Variants in RALGAPA2 observed in about 807,000 individuals in gnomAD.
The protein encoded by RALGAPA2 is ral GTPase-activating protein subunit alpha-2.
RALGAPA2 carries 139 observed loss-of-function variants against 230.4 expected under a neutral mutation model. That is an observed-to-expected ratio of 0.60 (90% CI 0.53 to 0.69). The LOEUF is 0.69. Among genes scored for constraint, RALGAPA2 ranks in the 30% least tolerant of loss-of-function variants. The pLI is 0.00. For synonymous variants in RALGAPA2, 847 were observed against 837.8 expected (o/e 1.01, Z -0.19); for missense variants, 2,163 against 2,276.0 (o/e 0.95, Z 1.01).
Position 20,601,712 on chromosome 20 carries a change from C to A in RALGAPA2, c.2173G>T (p.Ala725Ser). The change falls in exon 16 of 40, where the codon GCA becomes TCA. Residue 725 changes from alanine to serine, a missense_variant. Ala to Ser is a moderately conservative substitution (Grantham distance 99). Transcript: ENST00000202677. ...TTSGAPGVEK[A>S]RNIVRQKATE... The stretch of plus-strand genomic sequence containing the variant: ...GCTTTTTGGCGAACAATATTTCTTG[C>A]CTTTTCCACTCCCGGTGCTCCAGAC... 3 of 1,613,226 alleles carry A rather than the reference C, an allele frequency of 1.9e-6. No homozygotes were observed. Among genetic ancestry groups the A allele is most frequent in the Non-Finnish European group, 2.5e-6 (3 of 1,179,540 alleles).
chr20:20,562,907 T>C (rs1255918364), intron 23 of RALGAPA2, among the ~76,000 whole-genome samples: 3 of 152,236 alleles, frequency 2.0e-5, no homozygotes, highest in Non-Finnish European at 2.9e-5. Context: ...TTTATGGCGA[T>C]TGATAGCTGA....
At chr20:20,540,336 A>T (rs1381912085) in intron 24 of RALGAPA2, among the ~76,000 whole-genome samples, 1 of 152,238 alleles carries the variant, frequency 6.6e-6, no homozygotes, top group Non-Finnish European at 1.5e-5. Context: ...TGAAAACAGA[A>T]TTAAAAATCG....
chr20:20,548,099 CA>C (rs1218842526), intron 23 of RALGAPA2, among the ~76,000 whole-genome samples: 1 of 151,552 alleles, frequency 6.6e-6, no homozygotes, highest in African/African-American at 2.4e-5. Flanking sequence ...ATTATAGTCT[CA>C]ATATAAGAGT....
chr20:20,652,989 C>G (rs1189940223), intron 4 of RALGAPA2, among the ~76,000 whole-genome samples: 1 of 151,470 alleles, frequency 6.6e-6, no homozygotes, highest in Non-Finnish European at 1.5e-5. Context: ...GCCAGGAGTT[C>G]GAGACAGCCT....
At chr20:20,547,269 T>G (rs570686548) in intron 23 of RALGAPA2, among the ~76,000 whole-genome samples, 1 of 152,340 alleles carries the variant, frequency 6.6e-6, no homozygotes, top group Admixed American at 6.5e-5. Context: ...ACATGGAAAA[T>G]TTCACTCTTC....
At chr20:20,434,394 C>T (rs893453491) in intron 37 of RALGAPA2, among the ~76,000 whole-genome samples, 6 of 152,012 alleles carry the variant, frequency 3.9e-5, no homozygotes. Flanking sequence ...GTAAAAAGCA[C>T]CTTAAAAGCA....
intron 9 of RALGAPA2, among the ~76,000 whole-genome samples, chr20:20,633,433 C>T (rs1228007323): frequency 2.0e-5 from 3 of 152,136 alleles, no homozygotes; most frequent in Non-Finnish European, 4.4e-5. Flanking sequence ...CTGCGCCCAG[C>T]CTACTGGGTC....
chr20:20,586,379 A>G (rs894515579), intron 18 of RALGAPA2, among the ~76,000 whole-genome samples: 5 of 152,228 alleles, frequency 3.3e-5, no homozygotes, highest in African/African-American at 1.2e-4. Context: ...AAATGCAAAC[A>G]TACTGTTGAA....
intron 36 of RALGAPA2, among the ~76,000 whole-genome samples, chr20:20,491,425 G>C (rs1030891590): frequency 6.6e-6 from 1 of 152,092 alleles, no homozygotes; most frequent in Non-Finnish European, 1.5e-5. Flanking sequence ...CTGGTCAACT[G>C]GTCACCAGCC....
At chr20:20,468,387 T>C (rs1409818627) in intron 37 of RALGAPA2, among the ~76,000 whole-genome samples, 1 of 151,940 alleles carries the variant, frequency 6.6e-6, no homozygotes, top group Non-Finnish European at 1.5e-5. Context: ...ATGCAGCCCC[T>C]CTCCCCATGC....
At position 20,636,539 on chromosome 20, in the gene RALGAPA2, C is replaced by CAT. The variant is rs1491167913; in HGVS notation, c.805+823_805+824insAT. Among the ~76,000 whole-genome samples the CAT allele has an allele frequency of 8.0e-5, 12 of 149,982 alleles. No homozygotes were observed. In the East Asian group the frequency reaches 2.0e-3, roughly 25 times the overall value. ...CTCACCAAGTTTTGGCTTCTCTCCC[C>CAT]GTGTGTGTGTGTGTGTGTATGTGTG... On this transcript the variant is annotated intron_variant, in intron 8 of 39. Transcript: ENST00000202677.
At chr20:20,582,408 A>G (rs987822587) in intron 20 of RALGAPA2, among the ~76,000 whole-genome samples, 1 of 152,186 alleles carries the variant, frequency 6.6e-6, no homozygotes, top group African/African-American at 2.4e-5. Context: ...GCCGACCCAG[A>G]AAGTTTGGCT....
rs2059588344 is a variant in RALGAPA2 at position 20,390,675 on chromosome 20, AT to A, written c.*2613del. 1 of 147,300 alleles carries A rather than the reference AT, an allele frequency of 6.8e-6. No individual in the cohort carries two copies. Among genetic ancestry groups the A allele is most frequent in the Non-Finnish European group, 1.5e-5 (1 of 67,370 alleles). 9.1% of individuals were successfully genotyped at this position (147,300 alleles called of 1,614,324 possible). ...AAGGGATTTATTACAAAAACACAAT[AT>A]TTGCTTTTCTAAGTAAAAAAAAAAT... is the stretch of plus-strand genomic sequence containing the variant. On this transcript the variant is annotated 3_prime_UTR_variant, in exon 40 of 40. Transcript: ENST00000202677.
rs758651097 is a variant in RALGAPA2, at chr20:20,640,768, T to C, written c.483A>G (p.Ala161=). The part of the protein sequence containing the change: ...IFACLVPGFP[A]VMSSRGPCTL... ...TGCAAGGGCCCCTGGATGACATGAC[T>C]GCTGGGAAACCAGGCACCAGGCAAG... Residue 161 remains alanine, a synonymous_variant, in exon 6 of 40, where the codon GCA becomes GCG. Transcript: ENST00000202677. The C allele has an allele frequency of 6.2e-7, 1 of 1,614,000 alleles. No homozygotes were observed.
At chr20:20,589,065 T>G (rs1384028372) in intron 18 of RALGAPA2, among the ~76,000 whole-genome samples, 1 of 152,116 alleles carries the variant, frequency 6.6e-6, no homozygotes, top group Non-Finnish European at 1.5e-5. Flanking sequence ...TCATGTTAAT[T>G]TTTTTCCTAT....
intron 37 of RALGAPA2, among the ~76,000 whole-genome samples, chr20:20,427,496 T>C (rs559974118): frequency 2.0e-5 from 3 of 151,914 alleles, no homozygotes; most frequent in Non-Finnish European, 2.9e-5. Context: ...ATCCCTTCAT[T>C]AGAACTCCCT....
chr20:20,671,254 T>G (rs916632336), intron 3 of RALGAPA2, among the ~76,000 whole-genome samples: 1 of 152,238 alleles, frequency 6.6e-6, no homozygotes, highest in African/African-American at 2.4e-5. Context: ...ATCCCTGACT[T>G]ACAAGGCAGA....
intron 38 of RALGAPA2, among the ~76,000 whole-genome samples, chr20:20,411,529 C>T (rs2060059184): frequency 6.6e-6 from 1 of 152,224 alleles, no homozygotes; most frequent in African/African-American, 2.4e-5. Flanking sequence ...ACACAAACCA[C>T]TCCAGAGAGA....
chr20:20,648,000 G>A (rs2067272202), intron 4 of RALGAPA2, among the ~76,000 whole-genome samples: 1 of 152,072 alleles, frequency 6.6e-6, no homozygotes, highest in African/African-American at 2.4e-5. Flanking sequence ...CCAAGAGACA[G>A]GAAACCATAT....
Sources: gnomAD v4.1 joint callset for allele counts (sites outside exome capture counted in the v4.1 genomes callset) on GRCh38, gnomAD v4.1.1 for gene constraint, MANE v1.5 for transcripts, NCBI Gene and HGNC (gene_info 2026-07-23, HGNC 2026-07-21) for gene names.